TET3: variants seen among roughly 807,000 people sequenced by gnomAD.
TET3 encodes methylcytosine dioxygenase TET3.
In TET3, 19 loss-of-function variants were observed where a neutral mutation model predicts 141.4. The observed-to-expected ratio is 0.13, with a 90% CI of 0.09 to 0.20. TET3 has a LOEUF of 0.20. TET3 is among the 10% of genes least tolerant of loss of function. TET3 has a pLI of 1.00. For missense variants in TET3, 1,874 were observed against 2,356.9 expected (o/e 0.80, Z 4.24); for synonymous variants, 1,043 against 980.9 (o/e 1.06, Z -1.18).
intron 6 of TET3, among the ~76,000 whole-genome samples, chr2:74,085,486 C>T (rs1351781693): frequency 6.6e-6 from 1 of 152,240 alleles, no homozygotes; most frequent in African/African-American, 2.4e-5. Context: ...CCTCCAGACC[C>T]ACTCTGGGGG....
At chr2:74,134,892 C>T in the TET3 span, 1 of 405,874 alleles carries the variant, frequency 2.5e-6, no homozygotes, top group Non-Finnish European at 5.1e-6. Context: ...GGATGTCCCA[C>T]TGTCCCTGCT....
At chr2:73,983,764 G>A (rs1683867253), upstream of TET3, among the ~76,000 whole-genome samples, 1 of 152,188 alleles carries the variant, frequency 6.6e-6, no homozygotes, top group Non-Finnish European at 1.5e-5. Context: ...CGTGAGCACC[G>A]CCCAAACTGG....
In TET3 at chr2:74,101,173, G is replaced by A; in HGVS notation, c.4385G>A (p.Gly1462Glu). The change falls in exon 12 of 12, where the codon GGG (glycine) becomes GAG (glutamate). Residue 1462 changes from glycine to glutamate, a missense_variant. Gly to Glu is a moderately conservative substitution (Grantham distance 98). Transcript: ENST00000409262. The surrounding 1 kb of genome is among the most constrained non-coding windows in gnomAD (Gnocchi z 8.5). ...VGGSWGVFSS[G>E]ESPAIVPDKL... ...GGCAGCTGGGGTGTGTTCTCGTCTG[G>A]GGAGAGTCCTGCCATCGTCCCTGAC... 1.2e-6 allele frequency: 2 copies of A among 1,613,832 alleles called. No homozygotes were observed. The highest frequency in any genetic ancestry group is 1.7e-6 in the Non-Finnish European group (2 of 1,179,860).
intron 5 of TET3, among the ~76,000 whole-genome samples, chr2:74,079,149 C>T (rs967674520): frequency 3.9e-5 from 6 of 152,166 alleles, no homozygotes; most frequent in Non-Finnish European, 7.3e-5. Context: ...GAGTTCAAGA[C>T]GAGCCTGGCC....
intron 5 of TET3, among the ~76,000 whole-genome samples, chr2:74,074,664 A>G (rs1689393354): frequency 6.6e-6 from 1 of 152,196 alleles, no homozygotes; most frequent in Non-Finnish European, 1.5e-5. Flanking sequence ...CTGTGACTCA[A>G]GTTTTCTTAT....
chr2:74,085,953 T>C (rs828872), intron 6 of TET3, among the ~76,000 whole-genome samples: 134,195 of 152,302 alleles, frequency 0.88, 59,723 homozygotes, highest in African/African-American at 0.93. Context: ...TTCTTACCCC[T>C]TGCCATAGTT....
intron 3 of TET3, among the ~76,000 whole-genome samples, chr2:74,029,325 T>C (rs1238065344): frequency 6.6e-6 from 1 of 152,072 alleles, no homozygotes; most frequent in African/African-American, 2.4e-5. Context: ...TAAGCCCAAA[T>C]AGACATGGAA....
At chr2:74,013,780 C>T (rs1685592349) in intron 3 of TET3, among the ~76,000 whole-genome samples, 1 of 152,120 alleles carries the variant, frequency 6.6e-6, no homozygotes, top group African/African-American at 2.4e-5. Flanking sequence ...CCACTGCCCT[C>T]CAGCCTGGGC....
At chr2:73,985,748 A>G (rs1683990133) in intron 1 of TET3, among the ~76,000 whole-genome samples, 1 of 151,814 alleles carries the variant, frequency 6.6e-6, no homozygotes. Context: ...TAGAAATCTC[A>G]CCTTGATCAC....
At chr2:74,026,390 C>T (rs1285344273) in intron 3 of TET3, among the ~76,000 whole-genome samples, 1 of 152,104 alleles carries the variant, frequency 6.6e-6, no homozygotes, top group Non-Finnish European at 1.5e-5. Flanking sequence ...AACTTTGAGG[C>T]CAGTGGCCGG....
the TET3 span, chr2:74,135,452 AT>A: frequency 3.2e-6 from 4 of 1,264,786 alleles, no homozygotes; most frequent in East Asian, 1.0e-4. Context: ...ATCTAAATAG[AT>A]TATACATCTT....
rs1690644859 is a variant in TET3 at position 74,093,737 on chromosome 2, G to A, written c.3267+71G>A. On this transcript the variant is annotated intron_variant, in intron 10 of 11. Coordinates refer to ENST00000409262, the MANE Select transcript of TET3 (RefSeq NM_001287491.2). The surrounding 1 kb of genome is among the most constrained non-coding windows in gnomAD (Gnocchi z 4.2). ...GAGGGAGTCCACCGTGGTCTTTTCA[G>A]AAAGGCAGGCTGAGGGTAGGGAGGG... 1 of 1,451,744 alleles carries A rather than the reference G, an allele frequency of 6.9e-7. No individual in the cohort carries two copies. The highest frequency in any genetic ancestry group is 9.1e-7 in the Non-Finnish European group (1 of 1,093,170). 89.9% of individuals were successfully genotyped at this position (1,451,744 alleles called of 1,614,324 possible).
At chr2:74,021,185 G>T (rs2105243780) in intron 3 of TET3, among the ~76,000 whole-genome samples, 1 of 152,324 alleles carries the variant, frequency 6.6e-6, no homozygotes, top group East Asian at 1.9e-4. Context: ...AGGTGGCCCT[G>T]AGGCTCCCCA....
At chr2:74,018,152 A>G (rs184511654) in intron 3 of TET3, among the ~76,000 whole-genome samples, 1 of 152,060 alleles carries the variant, frequency 6.6e-6, no homozygotes, top group East Asian at 1.9e-4. Context: ...TTTTTAGTAG[A>G]GACGGGGCTT....
At chr2:74,130,132 C>G in the TET3 span, among the ~76,000 whole-genome samples, 2 of 150,784 alleles carry the variant, frequency 1.3e-5, no homozygotes, top group African/African-American at 2.4e-5. Flanking sequence ...AGTATAGACA[C>G]TTGGGTTCAC....
chr2:74,102,243 TCATACCTG>T lies in TET3; in HGVS notation c.*68_*75del, dbSNP rs1313252161. The T allele has an allele frequency of 1.2e-5, 17 of 1,370,996 alleles. No homozygotes were observed. Among genetic ancestry groups the T allele is most frequent in the Non-Finnish European group, 1.5e-5 (16 of 1,060,426 alleles). The allele number at this position is 1,370,996 out of a possible 1,614,324, so 84.9% of individuals were successfully genotyped here. On this transcript the variant is annotated 3_prime_UTR_variant, in exon 12 of 12. Coordinates refer to ENST00000409262, the MANE Select transcript of TET3 (RefSeq NM_001287491.2). ...AGCTGTCTCTGTGGTGCTTTTGCCC[TCATACCTG>T]GGGGCGGGTTGGGGGTGCAGAAGTC...
chr2:74,084,593 C>T (rs945795741), intron 6 of TET3, among the ~76,000 whole-genome samples: 1 of 152,080 alleles, frequency 6.6e-6, no homozygotes. Context: ...GCTGAGACTA[C>T]AGGTGCCCAC....
chr2:74,112,392 C>T (rs77148265), downstream of TET3, among the ~76,000 whole-genome samples: 28,749 of 151,846 alleles, frequency 0.19, 3,050 homozygotes, highest in East Asian at 0.37. Context: ...AAGAAACTAA[C>T]TCCTTTTGAA....
the TET3 span, among the ~76,000 whole-genome samples, chr2:74,115,873 C>G: frequency 0.51 from 77,513 of 151,634 alleles, 20,899 homozygotes; most frequent in East Asian, 0.87. Context: ...AAATTAGCCT[C>G]GCATGGTGGC....
Sources: allele counts gnomAD v4.1 joint callset (sites outside exome capture counted in the v4.1 genomes callset), GRCh38; gene constraint gnomAD v4.1.1; non-coding constraint Gnocchi (gnomAD v3.1); transcripts MANE v1.5; gene names NCBI Gene and HGNC (gene_info 2026-07-23, HGNC 2026-07-21).